The following FERMT1 variants were observed in gnomAD, a reference collection of about 807,000 sequenced individuals.
FERMT1 encodes the protein fermitin family homolog 1.
In FERMT1, 60 loss-of-function variants were observed where a neutral mutation model predicts 85.3. That is an observed-to-expected ratio of 0.70 (90% CI 0.57 to 0.87). FERMT1 has a LOEUF of 0.87. FERMT1 is among the 40% of genes least tolerant of loss of function. The pLI, the probability that FERMT1 is intolerant of heterozygous loss-of-function variation, is 0.00. For synonymous variants in FERMT1, 275 were observed against 301.1 expected (o/e 0.91, Z 0.90); for missense variants, 701 against 818.9 (o/e 0.86, Z 1.76).
chr20:6,110,435 CATG>C lies in FERMT1; in HGVS notation c.606_608del (p.Met203del), dbSNP rs150175364. The C allele has an allele frequency of 2.7e-4, 441 of 1,614,078 alleles. 1 individual carries two copies. The African/African-American group carries it at 5.5e-3, about 20-fold the overall frequency. ...TCAAAGGGCTGTCACTGAACCAAGTCATGGTGGATGATGCTGGTGTTCCATTGA... is the reference window on the plus strand; with the variant it reads ...TCAAAGGGCTGTCACTGAACCAAGTCGTGGATGATGCTGGTGTTCCATTGA... On this transcript the variant is annotated inframe_deletion, in exon 5 of 15. Transcript: ENST00000217289.
Position 6,077,188 on chromosome 20 carries a change from G to C in FERMT1, c.2019C>G (p.Thr673=), listed in dbSNP as rs368745513. The part of the protein sequence containing the change: ...TLDEDLFHKL[T]GGQD ...CGTGCTTGTTTCAATCCTGACCGCCGGTCAATTTGTGGAACAAGTCCTCAT... is the reference window on the plus strand; with the variant it reads ...CGTGCTTGTTTCAATCCTGACCGCCCGTCAATTTGTGGAACAAGTCCTCAT... Residue 673 remains threonine (T), a synonymous_variant, in exon 15 of 15, where the codon ACC becomes ACG. Coordinates refer to ENST00000217289, the MANE Select transcript of FERMT1 (RefSeq NM_017671.5). 19 of 1,614,026 alleles carry C rather than the reference G, an allele frequency of 1.2e-5. No individual in the cohort carries two copies. The highest frequency in any genetic ancestry group is 1.5e-5 in the Non-Finnish European group (18 of 1,180,036).
At chr20:6,121,921 C>G (rs1281758824) in intron 1 of FERMT1, among the ~76,000 whole-genome samples, 2 of 152,204 alleles carry the variant, frequency 1.3e-5, no homozygotes, top group Admixed American at 1.3e-4. Context: ...ACAAAAGATG[C>G]CCCTTCATCG....
chr20:6,077,185 G>A lies in FERMT1; in HGVS notation c.2022C>T (p.Gly674=), dbSNP rs548218495. Residue 674 remains glycine, a synonymous_variant, in exon 15 of 15, where the codon GGC becomes GGT. Coordinates refer to ENST00000217289, the MANE Select transcript of FERMT1 (RefSeq NM_017671.5). ...LDEDLFHKLT[G]GQD ...ACGCGTGCTTGTTTCAATCCTGACC[G>A]CCGGTCAATTTGTGGAACAAGTCCT... 8.1e-6 allele frequency: 13 copies of A among 1,613,954 alleles called. No homozygotes were observed. The highest frequency in any genetic ancestry group is 4.5e-5 in the East Asian group (2 of 44,874).
rs769404603 is a variant in FERMT1 at position 6,110,335 on chromosome 20, G to A, written c.709C>T (p.Pro237Ser). ...TTGGCTTTATCAACCAGAGACCGAGGCTGGTACATATCCGCAAGTGCTTCT... is the reference window on the plus strand; with the variant it reads ...TTGGCTTTATCAACCAGAGACCGAGACTGGTACATATCCGCAAGTGCTTCT... ...SPEALADMYQ[P>S]RSLVDKAKLN... The change falls in exon 5 of 15, where the codon CCT (proline) becomes TCT (serine). Residue 237 changes from proline (P) to serine (S), a missense_variant. By Grantham distance (74) the Pro-to-Ser change is moderately conservative. Coordinates refer to ENST00000217289, the MANE Select transcript of FERMT1 (RefSeq NM_017671.5). 1 of 1,613,486 alleles carries A rather than the reference G, an allele frequency of 6.2e-7. No individual in the cohort carries two copies. The highest frequency in any genetic ancestry group is 8.5e-7 in the Non-Finnish European group (1 of 1,179,864).
chr20:6,083,249 T>C (rs1982049736), intron 13 of FERMT1, among the ~76,000 whole-genome samples: 1 of 152,178 alleles, frequency 6.6e-6, no homozygotes, highest in African/African-American at 2.4e-5. Context: ...GCCATAGTGC[T>C]AGGCGGGGAT....
intron 13 of FERMT1, among the ~76,000 whole-genome samples, chr20:6,083,475 C>A (rs961112302): frequency 2.6e-5 from 4 of 151,946 alleles, no homozygotes; most frequent in African/African-American, 9.7e-5. Context: ...AAAAACCTAA[C>A]AATTCTGCAA....
At chr20:6,093,548 A>G (rs1409603190) in intron 9 of FERMT1, among the ~76,000 whole-genome samples, 1 of 152,240 alleles carries the variant, frequency 6.6e-6, no homozygotes, top group East Asian at 1.9e-4. Context: ...TGGAACAATT[A>G]TGAATACTTT....
Position 6,115,917 on chromosome 20 carries a change from C to T in FERMT1, c.279G>A (p.Gln93=), listed in dbSNP as rs150528781. 6.3e-5 allele frequency: 101 copies of T among 1,614,044 alleles called. No individual in the cohort carries two copies. The highest frequency in any genetic ancestry group is 7.6e-5 in the Non-Finnish European group (90 of 1,180,016). ...QADAKLLFTP[Q]HKMLRLRLPN... ...GCAGACGAAGGCGCAGCATTTTATG[C>T]TGAGGGGTGAAGAGAAGCTTTGCAT... The change falls in exon 3 of 15, where the codon CAG becomes CAA. Residue 93 remains glutamine (Q), a synonymous_variant. Transcript: ENST00000217289.
rs768814744 is a variant in FERMT1 at position 6,079,591 on chromosome 20, T to C, written c.1719-14A>G. ...CTTCCTTTAAATCTGAAAAGAATCA[T>C]AATATTAGTTAAGAGAAGCAACTGC... On this transcript the variant is annotated splice_polypyrimidine_tract_variant and intron_variant, in intron 13 of 14. Coordinates refer to ENST00000217289, the MANE Select transcript of FERMT1 (RefSeq NM_017671.5). The C allele has an allele frequency of 3.7e-6, 6 of 1,610,760 alleles. No individual in the cohort carries two copies. Among genetic ancestry groups the C allele is most frequent in the Non-Finnish European group, 5.1e-6 (6 of 1,177,192 alleles).
At position 6,087,795 on chromosome 20, in the gene FERMT1, C is replaced by T. The variant is rs184833211; in HGVS notation, c.1353G>A (p.Met451Ile). 17 of 1,595,120 alleles carry T rather than the reference C, an allele frequency of 1.1e-5. No individual in the cohort carries two copies. The highest frequency in any genetic ancestry group is 1.7e-4 in the Middle Eastern group (1 of 6,020). The change falls in exon 11 of 15, where the codon ATG becomes ATA. Residue 451 changes from methionine to isoleucine, a missense_variant. Transcript: ENST00000217289. The part of the protein sequence containing the change: ...LIPVADGMNE[M>I]YLRCDHENQY... ...TACTCACATGGTCACATCTCAAATA[C>T]ATTTCATTCATACCATCGGCAACAG...
rs745544419 is a variant in FERMT1 at position 6,077,140 on chromosome 20, CTTG to C, written c.*30_*32del. ...CTGGGGAGGGGCGCCTTTGGCTTGC[CTTG>C]TTGGTGTGAGCCGAGCACGCGTGCT... On this transcript the variant is annotated 3_prime_UTR_variant, in exon 15 of 15. Coordinates refer to ENST00000217289, the MANE Select transcript of FERMT1 (RefSeq NM_017671.5). 1.6e-4 allele frequency: 258 copies of C among 1,612,194 alleles called. No individual in the cohort carries two copies. The highest frequency in any genetic ancestry group is 2.1e-4 in the Non-Finnish European group (251 of 1,179,710).
rs1287962995 is a variant in FERMT1 at position 6,110,436 on chromosome 20, A to T, written c.608T>A (p.Met203Lys). The change falls in exon 5 of 15, where the codon ATG (methionine) becomes AAG (lysine). Residue 203 changes from methionine to lysine, a missense_variant. Physicochemically the swap from Met to Lys is moderately conservative, Grantham distance 95 (BLOSUM62 -1). Transcript: ENST00000217289. ...PINGTPASSTMTWFSDSPLTE... is the reference protein window; with the variant it reads ...PINGTPASSTKTWFSDSPLTE... The stretch of plus-strand genomic sequence containing the variant: ...CAAAGGGCTGTCACTGAACCAAGTC[A>T]TGGTGGATGATGCTGGTGTTCCATT... 2 of 1,613,220 alleles carry T rather than the reference A, an allele frequency of 1.2e-6. No individual in the cohort carries two copies. The highest frequency in any genetic ancestry group is 1.7e-6 in the Non-Finnish European group (2 of 1,180,004).
At chr20:6,084,611 C>T (rs1234209761) in intron 12 of FERMT1, among the ~76,000 whole-genome samples, 5 of 152,146 alleles carry the variant, frequency 3.3e-5, no homozygotes, top group Non-Finnish European at 7.3e-5. Flanking sequence ...AATTTCATAA[C>T]ATCATCTAAT....
At chr20:6,090,235 T>C (rs6076936) in intron 9 of FERMT1, among the ~76,000 whole-genome samples, 63,481 of 151,676 alleles carry the variant, frequency 0.42, 13,485 homozygotes, top group Middle Eastern at 0.59. Flanking sequence ...CCACCATGCC[T>C]GGCTAATTTT....
chr20:6,096,781 T>TC, intron 8 of FERMT1, 121 bp downstream of exon 8: 1 of 974,268 alleles, frequency 1.0e-6, no homozygotes, highest in South Asian at 1.5e-5. Flanking sequence ...GTGAAGAGCA[T>TC]CTTTTTTTTT....
chr20:6,100,747 T>A lies in FERMT1; in HGVS notation c.850-3116A>T, dbSNP rs75438211. ...AAGACAAGAGGCCTAAAAGTTGTGA[T>A]GCATAAGGCTGGCTTGACAACCTAA... On this transcript the variant is annotated intron_variant, in intron 6 of 14. Coordinates refer to ENST00000217289, the MANE Select transcript of FERMT1 (RefSeq NM_017671.5). Among the ~76,000 whole-genome samples the A allele has an allele frequency of 1.6e-4, 25 of 152,314 alleles. No individual in the cohort carries two copies. The East Asian group carries it at 4.8e-3, about 29-fold the overall frequency.
intron 2 of FERMT1, 129 bp downstream of exon 2, chr20:6,119,275 T>C: frequency 2.1e-6 from 2 of 957,532 alleles, no homozygotes; most frequent in Non-Finnish European, 1.6e-6. Flanking sequence ...TCCTCTGGGA[T>C]GAGGGGTGGG....
Position 6,119,454 on chromosome 20 carries a change from G to A in FERMT1, c.101C>T (p.Ser34Phe), listed in dbSNP as rs1983203164. The stretch of plus-strand genomic sequence containing the variant: ...CACTCCTCCAACATGAAGGTCTCCA[G>A]ATACTCTCAGTGTGACGTCTTTCTG... ...EQQKDVTLRV[S>F]GDLHVGGVML... is the part of the protein sequence containing the mutation. Residue 34 changes from serine to phenylalanine, a missense_variant, in exon 2 of 15, where the codon TCT becomes TTT. Ser to Phe is a radical substitution (Grantham distance 155). Coordinates refer to ENST00000217289, the MANE Select transcript of FERMT1 (RefSeq NM_017671.5). The A allele has an allele frequency of 1.2e-6, 2 of 1,614,100 alleles. No individual in the cohort carries two copies. Among genetic ancestry groups the A allele is most frequent in the East Asian group, 4.5e-5 (2 of 44,876 alleles).
intron 3 of FERMT1, among the ~76,000 whole-genome samples, chr20:6,114,212 G>A (rs995375354): frequency 1.3e-5 from 2 of 152,048 alleles, no homozygotes; most frequent in Non-Finnish European, 2.9e-5. Context: ...ACACAAACTC[G>A]GTCATGAATA....
Sources: allele counts gnomAD v4.1 joint callset (sites outside exome capture counted in the v4.1 genomes callset), GRCh38; gene constraint gnomAD v4.1.1; transcripts MANE v1.5; gene names NCBI Gene and HGNC (gene_info 2026-07-23, HGNC 2026-07-21).